EXTL3: variants seen among roughly 807,000 people sequenced by gnomAD.
EXTL3 encodes exostosin-like 3.
Under a neutral mutation model 69.3 loss-of-function variants are expected in EXTL3, and 27 were observed. The ratio of observed to expected loss-of-function variants is 0.39; its 90% CI spans 0.29 to 0.54. EXTL3 has a LOEUF of 0.54. Ranked by LOEUF, EXTL3 falls within the 20% of genes least tolerant of loss-of-function variation. The probability of loss-of-function intolerance (pLI) is 0.69; values close to 1 mark genes in which losing one functional copy is unlikely to be tolerated. For synonymous variants in EXTL3, 511 were observed against 499.4 expected, an observed-to-expected ratio of 1.02 and a Z score of -0.31; for missense variants, 1,003 against 1,231.8, an observed-to-expected ratio of 0.81 and a Z score of 2.78.
In EXTL3 at chr8:28,717,840, C is replaced by G. The variant is rs754610555; in HGVS notation, c.1781C>G (p.Thr594Ser). ...YASPRYLRNF[T>S]LTVTDFYRSW... The stretch of plus-strand genomic sequence containing the variant: ...TCACCCAGATACCTCCGCAATTTCA[C>G]TCTGACTGTCACTGACTTTTACCGC... The change falls in exon 3 of 7, where the codon ACT (threonine) becomes AGT (serine). Residue 594 changes from threonine to serine, a missense_variant. Thr to Ser is a moderately conservative substitution (Grantham distance 58). Transcript: ENST00000220562. The surrounding 1 kb of genome is among the most constrained non-coding windows in gnomAD (Gnocchi z 8.3). 2 of 1,612,134 alleles carry G rather than the reference C, an allele frequency of 1.2e-6. No individual in the cohort carries two copies. Among genetic ancestry groups the G allele is most frequent in the Non-Finnish European group, 8.5e-7 (1 of 1,178,326 alleles).
chr8:28,754,821 T>C lies in EXTL3; in HGVS notation c.*3955T>C, dbSNP rs1235760917. On this transcript the variant is annotated 3_prime_UTR_variant, in exon 7 of 7. Transcript: ENST00000220562. Reference sequence around the variant, plus strand: ...GTGCCTAACATCTTAATCTCAGCATTTGGTGAGGCAGAAGTGGGAGGATCA... The same window carrying C: ...GTGCCTAACATCTTAATCTCAGCATCTGGTGAGGCAGAAGTGGGAGGATCA... 1 of 152,142 alleles carries C rather than the reference T, an allele frequency of 6.6e-6. No homozygotes were observed. Among genetic ancestry groups the C allele is most frequent in the Non-Finnish European group, 1.5e-5 (1 of 68,062 alleles). 9.4% of individuals were successfully genotyped at this position (152,142 alleles called of 1,614,324 possible).
intron 1 of EXTL3, among the ~76,000 whole-genome samples, chr8:28,702,395 G>C (rs1220629144): frequency 6.6e-6 from 1 of 152,220 alleles, no homozygotes; most frequent in African/African-American, 2.4e-5. Flanking sequence ...GCCCAGCGAC[G>C]GGGACAGCAC....
intron 1 of EXTL3, among the ~76,000 whole-genome samples, chr8:28,663,848 G>A (rs1174881931): frequency 6.6e-6 from 1 of 152,194 alleles, no homozygotes; most frequent in Non-Finnish European, 1.5e-5. Flanking sequence ...GCAGAGGCTG[G>A]TGTCTCTCAG....
At chr8:28,738,949 C>T (rs1801715757) in intron 5 of EXTL3, among the ~76,000 whole-genome samples, 1 of 152,178 alleles carries the variant, frequency 6.6e-6, no homozygotes, top group African/African-American at 2.4e-5. Flanking sequence ...CTCCACTGTC[C>T]TCACGGAAGA....
rs560535360 is a variant in EXTL3 at position 28,724,002 on chromosome 8, A to C, written c.2148+5795A>C. Among the ~76,000 whole-genome samples, 16 of 151,590 alleles carry C rather than the reference A, an allele frequency of 1.1e-4. No homozygotes were observed. The East Asian group carries it at 2.9e-3, about 27-fold the overall frequency. On this transcript the variant is annotated intron_variant, in intron 3 of 6. Coordinates refer to ENST00000220562, the MANE Select transcript of EXTL3 (RefSeq NM_001440.4). ...TTTCTTTTTTTTTTTCCACGTGTAA[A>C]TTTCTTGGAGAAGCACAAACTTGTT...
At chr8:28,641,268 C>CTCTG (rs1806738000) in intron 1 of EXTL3, among the ~76,000 whole-genome samples, 2 of 152,144 alleles carry the variant, frequency 1.3e-5, no homozygotes, top group South Asian at 4.1e-4. Flanking sequence ...ACTGGTTTAA[C>CTCTG]TCTGTATTAA....
chr8:28,647,297 G>A (rs1032055118), intron 1 of EXTL3, among the ~76,000 whole-genome samples: 1 of 151,972 alleles, frequency 6.6e-6, no homozygotes, highest in Non-Finnish European at 1.5e-5. Flanking sequence ...AGAGACGGGG[G>A]TTTCACCATG....
intron 1 of EXTL3, among the ~76,000 whole-genome samples, chr8:28,687,996 C>T (rs1433151885): frequency 6.6e-6 from 1 of 150,718 alleles, no homozygotes; most frequent in African/African-American, 2.4e-5. Flanking sequence ...AGAGCAGTTT[C>T]AGTAAATTGA....
chr8:28,732,582 C>T (rs1801560768), intron 4 of EXTL3, among the ~76,000 whole-genome samples: 1 of 152,166 alleles, frequency 6.6e-6, no homozygotes, highest in African/African-American at 2.4e-5. Context: ...CCTAGGTAGC[C>T]ACTCAATCTT....
Position 28,723,638 on chromosome 8 carries a change from C to G in EXTL3, c.2148+5431C>G, listed in dbSNP as rs150263546. On this transcript the variant is annotated intron_variant, in intron 3 of 6. Coordinates refer to ENST00000220562, the MANE Select transcript of EXTL3 (RefSeq NM_001440.4). ...CCTGTATTAGAATGAGGGCTCAGGACTGTTTTTTTTTTTTTTTTTTTGAGA... is the reference window on the plus strand; with the variant it reads ...CCTGTATTAGAATGAGGGCTCAGGAGTGTTTTTTTTTTTTTTTTTTTGAGA... Among the ~76,000 whole-genome samples, 669 of 124,734 alleles carry G rather than the reference C, an allele frequency of 5.4e-3. 5 individuals are homozygous for G. The highest frequency in any genetic ancestry group is 0.02 in the African/African-American group (651 of 33,262). The allele number at this position is 124,734 out of a possible 152,430, so 81.8% of individuals were successfully genotyped here.
chr8:28,747,728 C>CTTT (rs71549697), intron 6 of EXTL3, among the ~76,000 whole-genome samples: 14 of 124,736 alleles, frequency 1.1e-4, no homozygotes, highest in South Asian at 2.5e-4. Flanking sequence ...TTTTCTTTTT[C>CTTT]TTTTTTTTTT....
chr8:28,660,094 G>A (rs183165634), intron 1 of EXTL3, among the ~76,000 whole-genome samples: 59 of 152,316 alleles, frequency 3.9e-4, no homozygotes, highest in Non-Finnish European at 6.5e-4. Context: ...CGGGTACAGC[G>A]GCTCATGCCT....
rs916597815 is a variant in EXTL3 at position 28,610,867 on chromosome 8, C to G, written n.314+3109C>G. 3.3e-5 allele frequency among the ~76,000 whole-genome samples: 5 copies of G among 151,996 alleles called. No homozygotes were observed. The East Asian group carries it at 9.6e-4, about 29-fold the overall frequency. The stretch of plus-strand genomic sequence containing the variant: ...GATTCTCCCAGGAACCTCAGCCTCC[C>G]AAGTAGCTGGGATTACAGGCGCCTG... On this transcript the variant is annotated intron_variant and non_coding_transcript_variant, in intron 2 of 4. Transcript: ENST00000522725.
At chr8:28,748,514 G>A (rs1801936177) in intron 6 of EXTL3, among the ~76,000 whole-genome samples, 1 of 152,170 alleles carries the variant, frequency 6.6e-6, no homozygotes, top group Non-Finnish European at 1.5e-5. Flanking sequence ...TGCCAGAAAG[G>A]AAGCAGGTGG....
intron 1 of EXTL3, among the ~76,000 whole-genome samples, chr8:28,708,805 A>G (rs1318594993): frequency 6.6e-6 from 1 of 152,228 alleles, no homozygotes; most frequent in Non-Finnish European, 1.5e-5. Context: ...GACCTAAATG[A>G]AAAAGAGAAA....
At chr8:28,680,075 C>T (rs183154719) in intron 1 of EXTL3, among the ~76,000 whole-genome samples, 1 of 149,650 alleles carries the variant, frequency 6.7e-6, no homozygotes, top group East Asian at 2.0e-4. Context: ...CGGTGTAAGA[C>T]AAATACTATT....
At chr8:28,733,320 T>A (rs1306374442) in intron 4 of EXTL3, among the ~76,000 whole-genome samples, 1 of 152,146 alleles carries the variant, frequency 6.6e-6, no homozygotes, top group African/African-American at 2.4e-5. Flanking sequence ...ATTTTCCATT[T>A]TCAAAATTTA....
intron 1 of EXTL3, among the ~76,000 whole-genome samples, chr8:28,692,709 G>A (rs1052528470): frequency 4.6e-5 from 7 of 152,204 alleles, no homozygotes; most frequent in Non-Finnish European, 7.3e-5. Context: ...AATTCTGCCA[G>A]TTTTCAGTTG....
intron 1 of EXTL3, among the ~76,000 whole-genome samples, chr8:28,651,971 A>G (rs1806928347): frequency 6.6e-6 from 1 of 151,980 alleles, no homozygotes; most frequent in Non-Finnish European, 1.5e-5. Context: ...TTCAAGGTCC[A>G]TCCATATTGT....
Sources: allele counts gnomAD v4.1 joint callset (sites outside exome capture counted in the v4.1 genomes callset), GRCh38; gene constraint gnomAD v4.1.1; non-coding constraint Gnocchi (gnomAD v3.1); transcripts MANE v1.5; gene names NCBI Gene and HGNC (gene_info 2026-07-23, HGNC 2026-07-21).